The following FCRL4 variants were observed in gnomAD, a reference collection of about 807,000 sequenced individuals.
FCRL4 encodes Fc receptor like 4.
In FCRL4, 43 loss-of-function variants were observed where a neutral mutation model predicts 64.1. The observed-to-expected ratio is 0.67, with a 90% CI of 0.53 to 0.87. The LOEUF (loss-of-function observed/expected upper bound fraction) is 0.87. Ranked by LOEUF, FCRL4 falls within the 40% of genes least tolerant of loss-of-function variation. The pLI is 0.00. For missense variants in FCRL4, 656 were observed against 613.5 expected, an observed-to-expected ratio of 1.07 and a Z score of -0.73; for synonymous variants, 253 against 239.8, an observed-to-expected ratio of 1.05 and a Z score of -0.51.
At chr1:157,578,573 C>G in intron 9 of FCRL4, 31 bp from the exon 10 acceptor site, 1 of 1,588,052 alleles carries the variant, frequency 6.3e-7, no homozygotes. Context: ...CAAGGCTGTT[C>G]CTGTTAGTAT....
chr1:157,585,243 C>CCTTTCCTTTCCTTT (rs1558154884), intron 6 of FCRL4, among the ~76,000 whole-genome samples: 1 of 150,982 alleles, frequency 6.6e-6, no homozygotes, highest in Admixed American at 6.6e-5. Context: ...TCCTTTCTTT[C>CCTTTCCTTTCCTTT]CTTTCCTTTC....
chr1:157,595,937 T>G (rs902016496), intron 2 of FCRL4, among the ~76,000 whole-genome samples: 3 of 152,192 alleles, frequency 2.0e-5, no homozygotes, highest in Admixed American at 6.5e-5. Context: ...TTACACATGG[T>G]TAGTGGAAAA....
At chr1:157,593,374 T>C (rs147262248) in intron 2 of FCRL4, among the ~76,000 whole-genome samples, 3 of 152,224 alleles carry the variant, frequency 2.0e-5, no homozygotes, top group African/African-American at 7.2e-5. Flanking sequence ...CTAACTTTGG[T>C]GGGCTCAGCT....
rs144386002 is a variant in FCRL4, at chr1:157,587,479, T to C, written c.644A>G (p.Gln215Arg). 256 of 1,614,110 alleles carry C rather than the reference T, an allele frequency of 1.6e-4. 3 individuals are homozygous for C. In the Middle Eastern group the frequency reaches 2.0e-3, roughly 12 times the overall value. Reference sequence around the variant, plus strand: ...GGTGTCTGACCGCTCTGGAGGAAGCTGTGTTTCACAGCTCAGGTTTACAGA... The same window carrying C: ...GGTGTCTGACCGCTCTGGAGGAAGCCGTGTTTCACAGCTCAGGTTTACAGA... Reference protein sequence around the residue: ...GNSVNLSCETQLPPERSDTPL... With the variant: ...GNSVNLSCETRLPPERSDTPL... Residue 215 changes from glutamine to arginine, a missense_variant, in exon 5 of 12, where the codon CAG (glutamine) becomes CGG (arginine). Physicochemically the swap from Gln to Arg is conservative, Grantham distance 43. Transcript: ENST00000271532.
Position 157,574,726 on chromosome 1 carries a change from CT to C in FCRL4, c.*797del, listed in dbSNP as rs1558151573. 4.8e-6 allele frequency: 1 copy of C among 210,430 alleles called. No individual in the cohort carries two copies. Among genetic ancestry groups the C allele is most frequent in the Non-Finnish European group, 9.6e-6 (1 of 103,752 alleles). 13.0% of individuals were successfully genotyped at this position (210,430 alleles called of 1,614,324 possible). ...GTGAACAGACGTAGGAAATATTTAT[CT>C]TTTTTTAAAGGCAGAGTTTATTATG... On this transcript the variant is annotated 3_prime_UTR_variant, in exon 12 of 12. Transcript: ENST00000271532.
Position 157,589,151 on chromosome 1 carries a change from A to T in FCRL4, c.307+53T>A. On this transcript the variant is annotated intron_variant, in intron 3 of 11. Coordinates refer to ENST00000271532, the MANE Select transcript of FCRL4 (RefSeq NM_031282.3). ...CAGTTCGTGGAATCTCCAGGGAGCT[A>T]AGATAAACTGATACCATTTATAAAG... 5.7e-6 allele frequency: 9 copies of T among 1,586,146 alleles called. No homozygotes were observed. The South Asian group carries it at 8.0e-5, about 14-fold the overall frequency.
chr1:157,581,726 G>T, intron 6 of FCRL4, 82 bp from the exon 7 acceptor site: 2 of 1,098,496 alleles, frequency 1.8e-6, no homozygotes, highest in Non-Finnish European at 2.7e-6. Context: ...GTTGGGTAAC[G>T]AGCCCTGGAA....
intron 2 of FCRL4, among the ~76,000 whole-genome samples, chr1:157,592,177 T>C (rs1652853647): frequency 6.6e-6 from 1 of 152,154 alleles, no homozygotes; most frequent in Admixed American, 6.6e-5. Context: ...ATTCAGGACA[T>C]AGGCATGGGC....
chr1:157,585,398 CTTTCTTTCTTTCTTTCTTTCTT>C (rs1298758015), intron 6 of FCRL4, among the ~76,000 whole-genome samples: 13 of 114,888 alleles, frequency 1.1e-4, no homozygotes, highest in African/African-American at 3.7e-4. Context: ...TTCTTTCCTT[CTTTCTTTCTTTCTTTCTTTCTT>C]TCCTTTTTCA....
At position 157,578,585 on chromosome 1, in the gene FCRL4, A is replaced by G. The variant is rs774183370; in HGVS notation, c.1361-43T>C. 3 of 1,534,390 alleles carry G rather than the reference A, an allele frequency of 2.0e-6. No homozygotes were observed. In the East Asian group the frequency reaches 6.7e-5, roughly 34 times the overall value. On this transcript the variant is annotated intron_variant, in intron 9 of 11. Transcript: ENST00000271532. ...TTTCAAGGCTGTTCCTGTTAGTATT[A>G]AAGTGCTACAGATGCCTCTTCCTAA...
In FCRL4 at chr1:157,586,322, G is replaced by A. The variant is rs1652691588; in HGVS notation, c.981C>T (p.Asp327=). 2 of 1,613,768 alleles carry A rather than the reference G, an allele frequency of 1.2e-6. No individual in the cohort carries two copies. The highest frequency in any genetic ancestry group is 1.7e-6 in the Non-Finnish European group (2 of 1,180,004). The change falls in exon 6 of 12, where the codon GAC becomes GAT. Residue 327 remains aspartate (D), a synonymous_variant. Coordinates refer to ENST00000271532, the MANE Select transcript of FCRL4 (RefSeq NM_031282.3). ...GDTTFSWHRE[D]MQESLGRKTQ... is the part of the protein sequence containing the mutation. ...TTTTCCTCCCCAGACTCTCCTGCAT[G>A]TCCTCTCGGTGCCAGGAGAATGTGG...
chr1:157,587,268 A>G lies in FCRL4; in HGVS notation c.847+8T>C. 1 of 1,611,246 alleles carries G rather than the reference A, an allele frequency of 6.2e-7. No individual in the cohort carries two copies. The highest frequency in any genetic ancestry group is 8.5e-7 in the Non-Finnish European group (1 of 1,177,772). ...GGCAGGGAAGATGCCTGGCTCTCCA[A>G]CACTCACGCTGCACATGGATCTGTA... On this transcript the variant is annotated splice_region_variant and intron_variant, in intron 5 of 11. Transcript: ENST00000271532.
chr1:157,594,348 T>G (rs1319312553), intron 2 of FCRL4, among the ~76,000 whole-genome samples: 1 of 152,190 alleles, frequency 6.6e-6, no homozygotes, highest in Non-Finnish European at 1.5e-5. Flanking sequence ...GCACACTGGG[T>G]GCTCTTTGAC....
chr1:157,597,399 G>A (rs1158049933), intron 1 of FCRL4, among the ~76,000 whole-genome samples: 2 of 152,200 alleles, frequency 1.3e-5, no homozygotes, highest in African/African-American at 4.8e-5. Flanking sequence ...ACACTGACAA[G>A]TGGTACAAAA....
intron 2 of FCRL4, among the ~76,000 whole-genome samples, chr1:157,594,471 G>T (rs1652913115): frequency 6.6e-6 from 1 of 152,194 alleles, no homozygotes. Context: ...GTCAATATTA[G>T]ATTCATGCTT....
intron 10 of FCRL4, 145 bp downstream of exon 10, chr1:157,578,329 C>T: frequency 3.0e-6 from 2 of 663,802 alleles, no homozygotes; most frequent in South Asian, 3.7e-5. Flanking sequence ...AATCTAAGCT[C>T]TCCACTGCAG....
chr1:157,590,938 A>G (rs562745747), intron 2 of FCRL4, among the ~76,000 whole-genome samples: 1 of 152,350 alleles, frequency 6.6e-6, no homozygotes, highest in African/African-American at 2.4e-5. Context: ...AAGCAGATTC[A>G]TAGGAGAAAT....
intron 6 of FCRL4, among the ~76,000 whole-genome samples, chr1:157,585,420 T>TTCTC (rs1558155238): frequency 2.0e-5 from 3 of 147,564 alleles, no homozygotes; most frequent in African/African-American, 5.0e-5. Context: ...CTTTCTTTCT[T>TTCTC]TCCTTTTTCA....
intron 2 of FCRL4, among the ~76,000 whole-genome samples, chr1:157,592,950 G>A (rs182404891): frequency 9.1e-4 from 139 of 152,272 alleles, no homozygotes; most frequent in Non-Finnish European, 1.6e-3. Context: ...CATGGATGAA[G>A]CTGGAAACCA....
Sources: allele counts gnomAD v4.1 joint callset (sites outside exome capture counted in the v4.1 genomes callset), GRCh38; gene constraint gnomAD v4.1.1; transcripts MANE v1.5; gene names NCBI Gene and HGNC (gene_info 2026-07-23, HGNC 2026-07-21).